KIAA0825: variants seen among roughly 807,000 people sequenced by gnomAD.
KIAA0825 encodes KIAA0825, also known as uncharacterized protein KIAA0825.
Under a neutral mutation model 147.6 loss-of-function variants are expected in KIAA0825, and 119 were observed. The ratio of observed to expected loss-of-function variants is 0.81; its 90% CI spans 0.69 to 0.94. The LOEUF (loss-of-function observed/expected upper bound fraction) is 0.94. KIAA0825 is among the 40% of genes least tolerant of loss of function. The probability of loss-of-function intolerance (pLI) is 0.00; values close to 1 mark genes in which losing one functional copy is unlikely to be tolerated. For synonymous variants in KIAA0825, 470 were observed against 518.1 expected (o/e 0.91, Z 1.26); for missense variants, 1,381 against 1,472.7 (o/e 0.94, Z 1.02).
chr5:94,164,320 A>G (rs1366873129), intron 20 of KIAA0825, among the ~76,000 whole-genome samples: 5 of 152,220 alleles, frequency 3.3e-5, no homozygotes, highest in Admixed American at 3.3e-4. Flanking sequence ...GAGGTATAGT[A>G]ACCAAAACAG....
chr5:94,302,698 T>C (rs189694558), intron 20 of KIAA0825, among the ~76,000 whole-genome samples: 2 of 152,126 alleles, frequency 1.3e-5, no homozygotes, highest in Admixed American at 1.3e-4. Flanking sequence ...CAGAACTAGA[T>C]AGTTTTAAAC....
chr5:94,432,262 A>G (rs959466530), intron 14 of KIAA0825, among the ~76,000 whole-genome samples: 1 of 152,188 alleles, frequency 6.6e-6, no homozygotes, highest in African/African-American at 2.4e-5. Context: ...TGTTAGAGAA[A>G]CACATAATCC....
chr5:94,561,134 C>A (rs1280541975), intron 2 of KIAA0825, among the ~76,000 whole-genome samples: 1 of 152,176 alleles, frequency 6.6e-6, no homozygotes, highest in South Asian at 2.1e-4. Flanking sequence ...TGAGACCAAT[C>A]ACCTATGGCC....
intron 2 of KIAA0825, among the ~76,000 whole-genome samples, chr5:94,559,512 T>C (rs1190662217): frequency 6.6e-6 from 1 of 152,192 alleles, no homozygotes; most frequent in Non-Finnish European, 1.5e-5. Context: ...TAAACCAGCC[T>C]TGTATAGAAA....
chr5:94,537,452 C>A (rs1176851200), intron 2 of KIAA0825, among the ~76,000 whole-genome samples: 2 of 152,000 alleles, frequency 1.3e-5, no homozygotes, highest in Admixed American at 6.6e-5. Flanking sequence ...GAGATTGAGA[C>A]CATCCTGGCT....
intron 2 of KIAA0825, among the ~76,000 whole-genome samples, chr5:94,555,716 A>C (rs1185088895): frequency 1.3e-5 from 2 of 152,124 alleles, no homozygotes; most frequent in Non-Finnish European, 2.9e-5. Flanking sequence ...TAACTTTATA[A>C]TTTTCAATAT....
chr5:94,169,596 CAGG>C (rs1768413766), intron 20 of KIAA0825, among the ~76,000 whole-genome samples: 1 of 149,104 alleles, frequency 6.7e-6, no homozygotes, highest in South Asian at 2.1e-4. Flanking sequence ...ATCTAGAATT[CAGG>C]AGAAAATGAC....
intron 20 of KIAA0825, among the ~76,000 whole-genome samples, chr5:94,370,711 C>T (rs1377400780): frequency 6.6e-6 from 1 of 152,036 alleles, no homozygotes. Flanking sequence ...TCGAGATCAT[C>T]CTGGCTAACA....
chr5:94,455,228 G>A (rs1370844977), intron 12 of KIAA0825, among the ~76,000 whole-genome samples: 3 of 151,986 alleles, frequency 2.0e-5, no homozygotes, highest in South Asian at 2.1e-4. Flanking sequence ...TGTAAAGATC[G>A]TCAAAGATAA....
At chr5:94,565,094 C>CTTTTTTTTTTTTTTTTTTTTT (rs1285299381) in intron 2 of KIAA0825, among the ~76,000 whole-genome samples, 4 of 51,942 alleles carry the variant, frequency 7.7e-5, no homozygotes, top group Non-Finnish European at 1.2e-4. Context: ...TTCTTGCTTT[C>CTTTTTTTTTTTTTTTTTTTTT]CTTTTTTTTT....
intron 15 of KIAA0825, chr5:94,413,365 T>A (rs1753022181): frequency 6.6e-6 from 1 of 152,162 alleles, no homozygotes; most frequent in Admixed American, 6.5e-5. Flanking sequence ...GCAGCTTTAT[T>A]CATCGTAGCC....
intron 20 of KIAA0825, among the ~76,000 whole-genome samples, chr5:94,175,708 A>G (rs1042305459): frequency 6.6e-6 from 1 of 152,220 alleles, no homozygotes; most frequent in East Asian, 1.9e-4. Context: ...ATCAAGTTAA[A>G]GAATTTCCTT....
At chr5:94,549,748 CTA>C (rs1013938673) in intron 2 of KIAA0825, among the ~76,000 whole-genome samples, 4 of 152,010 alleles carry the variant, frequency 2.6e-5, no homozygotes, top group Admixed American at 2.6e-4. Context: ...AGAAACAAAA[CTA>C]TGGAATATAA....
intron 2 of KIAA0825, among the ~76,000 whole-genome samples, chr5:94,540,647 TAA>T: frequency 6.6e-6 from 1 of 152,332 alleles, no homozygotes; most frequent in East Asian, 1.9e-4. Flanking sequence ...AGAAAAGTAA[TAA>T]GTGTAATGCC....
chr5:94,474,665 T>C, intron 7 of KIAA0825, among the ~76,000 whole-genome samples: 1 of 152,242 alleles, frequency 6.6e-6, no homozygotes, highest in East Asian at 1.9e-4. Flanking sequence ...TAAAATTATA[T>C]GATTCCATGA....
At chr5:94,296,842 C>T (rs1160671353) in intron 20 of KIAA0825, among the ~76,000 whole-genome samples, 1 of 152,130 alleles carries the variant, frequency 6.6e-6, no homozygotes. Context: ...TCCTATTCAG[C>T]CATCTTGCCA....
At chr5:94,593,333 A>G in intron 1 of KIAA0825, 1 of 883,624 alleles carries the variant, frequency 1.1e-6, no homozygotes, top group South Asian at 1.3e-5. Context: ...ACCATCCAGA[A>G]CTTAAGTTCC....
intron 20 of KIAA0825, among the ~76,000 whole-genome samples, chr5:94,189,631 A>G (rs542154500): frequency 5.6e-4 from 85 of 152,198 alleles, no homozygotes; most frequent in South Asian, 6.2e-4. Flanking sequence ...TCATTTTCCT[A>G]TGAAAAAGTC....
At chr5:94,420,112 A>G (rs544123191) in intron 14 of KIAA0825, among the ~76,000 whole-genome samples, 3 of 152,128 alleles carry the variant, frequency 2.0e-5, no homozygotes, top group African/African-American at 7.2e-5. Context: ...TTGGTGAAAT[A>G]TTGAGAAGAC....
Sources: allele counts gnomAD v4.1 joint callset (sites outside exome capture counted in the v4.1 genomes callset), GRCh38; gene constraint gnomAD v4.1.1; transcripts MANE v1.5; gene names NCBI Gene and HGNC (gene_info 2026-07-23, HGNC 2026-07-21).